Variants in ICE1 observed in about 807,000 individuals in gnomAD.
ICE1 encodes the protein interactor of little elongation complex ELL subunit 1.
Under a neutral mutation model 192.7 loss-of-function variants are expected in ICE1, and 64 were observed. The ratio of observed to expected loss-of-function variants is 0.33; its 90% CI spans 0.27 to 0.41. The LOEUF (loss-of-function observed/expected upper bound fraction) is 0.41. ICE1 is among the 10% of genes least tolerant of loss of function. The pLI, the probability that ICE1 is intolerant of heterozygous loss-of-function variation, is 1.00. For synonymous variants in ICE1, 1,010 were observed against 984.5 expected, an observed-to-expected ratio of 1.03 and a Z score of -0.49; for missense variants, 2,708 against 2,696.0, an observed-to-expected ratio of 1.00 and a Z score of -0.10.
In ICE1 at chr5:5,422,725, G is replaced by T. The variant is rs544390719; in HGVS notation, c.-191G>T. The T allele has an allele frequency of 9.2e-4, 335 of 365,412 alleles. 2 individuals carry two copies. The East Asian group carries it at 0.012, about 13-fold the overall frequency. 22.6% of individuals were successfully genotyped at this position (365,412 alleles called of 1,614,324 possible). A position where few individuals can be genotyped will look rare whatever the true frequency, so the allele number is the denominator to read the frequency against. ...GCGCCGGGTAGCGTTTCTTTTTAGTGCCTGAGGCAGCTCTGGCTCGGAGAG... is the reference window on the plus strand; with the variant it reads ...GCGCCGGGTAGCGTTTCTTTTTAGTTCCTGAGGCAGCTCTGGCTCGGAGAG... On this transcript the variant is annotated 5_prime_UTR_variant, in exon 1 of 19. Coordinates refer to ENST00000296564, the MANE Select transcript of ICE1 (RefSeq NM_015325.3).
chr5:5,428,497 A>G (rs977720907), intron 1 of ICE1, among the ~76,000 whole-genome samples: 10 of 152,244 alleles, frequency 6.6e-5, no homozygotes, highest in African/African-American at 2.2e-4. Flanking sequence ...CAGACTTACA[A>G]TAAAGTTGCC....
In ICE1 at chr5:5,475,975, A is replaced by C; in HGVS notation, c.6416A>C (p.Lys2139Thr). Residue 2139 changes from lysine to threonine, a missense_variant and splice_region_variant, in exon 17 of 19, where the codon AAG (lysine) becomes ACG (threonine). Physicochemically the swap from Lys to Thr is moderately conservative, Grantham distance 78. Coordinates refer to ENST00000296564, the MANE Select transcript of ICE1 (RefSeq NM_015325.3). ...WIWTHDNIIS[K>T]ELWPVMDKWI... Reference sequence around the variant, plus strand: ...CTTTTCATGTTGTTTTTTTATAGTAAGGAGCTGTGGCCTGTGATGGATAAA... The same window carrying C: ...CTTTTCATGTTGTTTTTTTATAGTACGGAGCTGTGGCCTGTGATGGATAAA... 2.5e-6 allele frequency: 4 copies of C among 1,591,812 alleles called. No individual in the cohort carries two copies. Among genetic ancestry groups the C allele is most frequent in the Non-Finnish European group, 3.4e-6 (4 of 1,161,688 alleles).
chr5:5,466,307 G>A (rs1378715661), intron 13 of ICE1, 27 bp from the exon 14 acceptor site: 1 of 1,572,968 alleles, frequency 6.4e-7, no homozygotes, highest in Non-Finnish European at 8.6e-7. Context: ...AGTGTACATT[G>A]CCTTTTTAAT....
At chr5:5,440,166 C>T (rs1053344724) in intron 4 of ICE1, among the ~76,000 whole-genome samples, 4 of 152,192 alleles carry the variant, frequency 2.6e-5, no homozygotes, top group African/African-American at 9.7e-5. Flanking sequence ...CTTGTACTGA[C>T]TGCATTGCCA....
At chr5:5,445,735 A>ATT (rs369289020) in intron 7 of ICE1, among the ~76,000 whole-genome samples, 2 of 144,942 alleles carry the variant, frequency 1.4e-5, no homozygotes. Context: ...TTAAAAAAGA[A>ATT]TTTTTTTTTT....
At chr5:5,469,281 A>G (rs1325034256) in intron 15 of ICE1, among the ~76,000 whole-genome samples, 3 of 152,244 alleles carry the variant, frequency 2.0e-5, no homozygotes, top group Non-Finnish European at 4.4e-5. Context: ...AGTCTCAGAG[A>G]AGCTACAAAA....
chr5:5,441,312 T>C (rs1579545776), intron 5 of ICE1, 89 bp downstream of exon 5: 1 of 794,094 alleles, frequency 1.3e-6, no homozygotes, highest in South Asian at 1.7e-5. Flanking sequence ...GCTTTTGATG[T>C]GTTAAAGGAA....
chr5:5,437,016 T>C, intron 2 of ICE1, 64 bp from the exon 3 acceptor site: 1 of 1,069,480 alleles, frequency 9.4e-7, no homozygotes, highest in Non-Finnish European at 1.4e-6. Flanking sequence ...GATTGAAACA[T>C]AATTTTAACA....
intron 7 of ICE1, among the ~76,000 whole-genome samples, chr5:5,446,700 TA>T (rs921349117): frequency 6.6e-6 from 1 of 152,078 alleles, no homozygotes; most frequent in Non-Finnish European, 1.5e-5. Context: ...GTTTTTCTAG[TA>T]AAAAAAATTT....
intron 15 of ICE1, among the ~76,000 whole-genome samples, chr5:5,471,578 A>G (rs1227973936): frequency 6.6e-6 from 1 of 152,180 alleles, no homozygotes; most frequent in Non-Finnish European, 1.5e-5. Flanking sequence ...TTCAAAGAAT[A>G]ATACTTTATA....
At chr5:5,424,544 G>A (rs1372750788) in intron 1 of ICE1, among the ~76,000 whole-genome samples, 2 of 152,146 alleles carry the variant, frequency 1.3e-5, no homozygotes, top group African/African-American at 4.8e-5. Flanking sequence ...AAAAATTCTT[G>A]ATCTCTTGGA....
chr5:5,463,207 TAAC>T lies in ICE1; in HGVS notation c.3878_3880del (p.Asn1293del), dbSNP rs753543389. 1.1e-4 allele frequency: 178 copies of T among 1,611,438 alleles called. 1 individual carries two copies. The highest frequency in any genetic ancestry group is 8.3e-4 in the East Asian group (37 of 44,846). On this transcript the variant is annotated inframe_deletion, in exon 13 of 19. Coordinates refer to ENST00000296564, the MANE Select transcript of ICE1 (RefSeq NM_015325.3). ...GCAGTTTATTGCTCTTAAATGTAAA[TAAC>T]AACATGACCACTGAGAATTTAAAAG...
In ICE1 at chr5:5,441,201, AAGC is replaced by A; in HGVS notation, c.290_292del (p.Ala97del). 6.4e-7 allele frequency: 1 copy of A among 1,557,796 alleles called. No individual in the cohort carries two copies. The highest frequency in any genetic ancestry group is 1.2e-5 in the South Asian group (1 of 84,496). Reference sequence around the variant, plus strand: ...TGTCAGGAAGAACTGGGATCTTTAAAAGCAGAGCTAGAAGAGAAAAAGGTATGA... The same window carrying A: ...TGTCAGGAAGAACTGGGATCTTTAAAAGAGCTAGAAGAGAAAAAGGTATGA... On this transcript the variant is annotated inframe_deletion, in exon 5 of 19. Coordinates refer to ENST00000296564, the MANE Select transcript of ICE1 (RefSeq NM_015325.3).
intron 1 of ICE1, among the ~76,000 whole-genome samples, chr5:5,429,864 G>C (rs1179283327): frequency 1.3e-5 from 2 of 152,206 alleles, no homozygotes; most frequent in African/African-American, 4.8e-5. Flanking sequence ...TGGTAGAGGG[G>C]AGAAGTAAAT....
intron 17 of ICE1, among the ~76,000 whole-genome samples, chr5:5,482,657 G>A (rs961552600): frequency 2.0e-5 from 3 of 152,262 alleles, no homozygotes; most frequent in Admixed American, 1.3e-4. Context: ...TCAGAGCGAG[G>A]CAGTTGCTGG....
chr5:5,444,503 T>C (rs181616000), intron 7 of ICE1, among the ~76,000 whole-genome samples, 177 bp downstream of exon 7: 1 of 152,318 alleles, frequency 6.6e-6, no homozygotes, highest in East Asian at 1.9e-4. Context: ...CTCCTCTCAG[T>C]TACCAAATGG....
At chr5:5,446,971 T>G (rs1738244275) in intron 7 of ICE1, among the ~76,000 whole-genome samples, 2 of 152,202 alleles carry the variant, frequency 1.3e-5, no homozygotes, top group Non-Finnish European at 2.9e-5. Context: ...AGCTAACTTG[T>G]TGAAGAGAAT....
At chr5:5,442,283 A>G (rs923944932) in intron 5 of ICE1, among the ~76,000 whole-genome samples, 8 of 152,210 alleles carry the variant, frequency 5.3e-5, no homozygotes, top group Non-Finnish European at 1.0e-4. Context: ...GGCGCTTCTC[A>G]CGGTAGTGTT....
rs768298608 is a variant in ICE1 at position 5,463,984 on chromosome 5, C to T, written c.4650C>T (p.Gly1550=). 1.2e-6 allele frequency: 2 copies of T among 1,613,502 alleles called. No individual in the cohort carries two copies. The highest frequency in any genetic ancestry group is 2.7e-5 in the African/African-American group (2 of 74,842). Reference sequence around the variant, plus strand: ...ATAACTCAAAACTAGAGCCATCTGGCAAAAATAAGAATCGATCAAAGATTT... The same window carrying T: ...ATAACTCAAAACTAGAGCCATCTGGTAAAAATAAGAATCGATCAAAGATTT... ...TYYNSKLEPS[G]KNKNRSKISN... Residue 1550 remains glycine (G), a synonymous_variant, in exon 13 of 19, where the codon GGC becomes GGT. Transcript: ENST00000296564.
Sources: gnomAD v4.1 joint callset for allele counts (sites outside exome capture counted in the v4.1 genomes callset) on GRCh38, gnomAD v4.1.1 for gene constraint, MANE v1.5 for transcripts, NCBI Gene and HGNC (gene_info 2026-07-23, HGNC 2026-07-21) for gene names.